CREB5: variants seen among roughly 807,000 people sequenced by gnomAD.
The protein encoded by CREB5 is cAMP responsive element binding protein 5, also known as cyclic AMP-responsive element-binding protein 5.
CREB5 carries 19 observed loss-of-function variants against 57.1 expected under a neutral mutation model. That is an observed-to-expected ratio of 0.33 (90% CI 0.23 to 0.49). CREB5 has a LOEUF of 0.49. Ranked by LOEUF, CREB5 falls within the 20% of genes least tolerant of loss-of-function variation. The pLI is 0.99. For missense variants in CREB5, 579 were observed against 671.6 expected, an observed-to-expected ratio of 0.86 and a Z score of 1.52; for synonymous variants, 238 against 238.3, an observed-to-expected ratio of 1.00 and a Z score of 0.01.
At chr7:28,439,823 T>A (rs1370880405) in intron 1 of CREB5, among the ~76,000 whole-genome samples, 1 of 152,180 alleles carries the variant, frequency 6.6e-6, no homozygotes, top group Non-Finnish European at 1.5e-5. Flanking sequence ...TTTATCAAGT[T>A]GCATTATTAT....
intron 5 of CREB5, 23 bp downstream of exon 5, chr7:28,570,560 C>A: frequency 6.2e-7 from 1 of 1,608,030 alleles, no homozygotes; most frequent in Non-Finnish European, 8.5e-7. Flanking sequence ...CCTTGGCTGC[C>A]CCTGGGTCCT....
intron 5 of CREB5, among the ~76,000 whole-genome samples, chr7:28,598,223 G>A (rs982661721): frequency 1.3e-5 from 2 of 152,114 alleles, no homozygotes; most frequent in African/African-American, 4.8e-5. Context: ...TTTGTCAGGG[G>A]TTTCCGCTTT....
chr7:28,660,217 A>C (rs6972338), intron 5 of CREB5, among the ~76,000 whole-genome samples: 16,015 of 152,098 alleles, frequency 0.11, 1,977 homozygotes, highest in African/African-American at 0.3. Flanking sequence ...TTTTATGAAA[A>C]AAAAGTTGCA....
At chr7:28,786,463 G>A (rs2128787801) in intron 7 of CREB5, among the ~76,000 whole-genome samples, 1 of 152,248 alleles carries the variant, frequency 6.6e-6, no homozygotes, top group East Asian at 1.9e-4. Context: ...GGCCAGGCTG[G>A]TCTCAAACTC....
At chr7:28,302,165 T>C in intron 1 of CREB5, among the ~76,000 whole-genome samples, 1 of 152,342 alleles carries the variant, frequency 6.6e-6, no homozygotes, top group Middle Eastern at 3.4e-3. Context: ...AGTATCCCTA[T>C]ATATCACATT....
At chr7:28,738,436 T>C (rs770255207) in intron 7 of CREB5, among the ~76,000 whole-genome samples, 8 of 152,228 alleles carry the variant, frequency 5.3e-5, no homozygotes, top group Non-Finnish European at 1.0e-4. Context: ...ACACACCCTC[T>C]GGAACAACCG....
intron 2 of CREB5, among the ~76,000 whole-genome samples, chr7:28,494,694 T>C (rs1791945922): frequency 6.6e-6 from 1 of 152,168 alleles, no homozygotes; most frequent in African/African-American, 2.4e-5. Context: ...GGGTGTAATT[T>C]AAAGGAACAT....
intron 5 of CREB5, among the ~76,000 whole-genome samples, chr7:28,598,143 T>C (rs903403655): frequency 3.3e-5 from 5 of 152,162 alleles, no homozygotes; most frequent in African/African-American, 1.2e-4. Flanking sequence ...AGGAAGTAAT[T>C]GAATCATGGG....
intron 5 of CREB5, among the ~76,000 whole-genome samples, chr7:28,682,028 T>C (rs1800621323): frequency 6.6e-6 from 1 of 152,238 alleles, no homozygotes; most frequent in African/African-American, 2.4e-5. Flanking sequence ...CATTATAAAT[T>C]CATTCCTTTG....
At chr7:28,706,125 C>T (rs1432232715) in intron 5 of CREB5, among the ~76,000 whole-genome samples, 4 of 152,160 alleles carry the variant, frequency 2.6e-5, no homozygotes, top group African/African-American at 9.6e-5. Flanking sequence ...GAGGCCGAGG[C>T]GGGTAGATCA....
chr7:28,737,529 A>G (rs928836833), intron 7 of CREB5, among the ~76,000 whole-genome samples: 9 of 106,368 alleles, frequency 8.5e-5, no homozygotes, highest in African/African-American at 3.0e-4. Flanking sequence ...GTATATATGT[A>G]TATATATACG....
chr7:28,812,465 T>C (rs1248566715), intron 9 of CREB5, among the ~76,000 whole-genome samples: 2 of 152,154 alleles, frequency 1.3e-5, no homozygotes, highest in African/African-American at 2.4e-5. Flanking sequence ...TTCACATTTC[T>C]TTAGAGCCAA....
chr7:28,506,879 C>G (rs115327747), intron 3 of CREB5, among the ~76,000 whole-genome samples: 1,619 of 152,272 alleles, frequency 0.011, 20 homozygotes, highest in African/African-American at 0.036. Context: ...CAAATAGTGG[C>G]TTCAGCTCCA....
intron 4 of CREB5, among the ~76,000 whole-genome samples, chr7:28,515,351 A>C (rs993022882): frequency 5.3e-5 from 8 of 152,222 alleles, no homozygotes; most frequent in Admixed American, 3.3e-4. Context: ...TCTTAGGTGG[A>C]TTTTGTTTAC....
chr7:28,494,793 TGC>T, intron 2 of CREB5, 111 bp from the exon 3 acceptor site: 3 of 656,084 alleles, frequency 4.6e-6, no homozygotes, highest in South Asian at 3.4e-5. Flanking sequence ...TTTTTTGTTT[TGC>T]CTGTCATGTT....
At chr7:28,375,816 G>T (rs1786811572) in intron 1 of CREB5, among the ~76,000 whole-genome samples, 1 of 151,710 alleles carries the variant, frequency 6.6e-6, no homozygotes, top group Admixed American at 6.6e-5. Context: ...AATAAGAAAA[G>T]AGACAATGTT....
intron 1 of CREB5, among the ~76,000 whole-genome samples, chr7:28,438,087 T>C (rs1473356518): frequency 6.6e-6 from 1 of 152,082 alleles, no homozygotes; most frequent in Non-Finnish European, 1.5e-5. Flanking sequence ...GGGCAGAGCA[T>C]GTGAGAGACA....
intron 7 of CREB5, among the ~76,000 whole-genome samples, chr7:28,803,012 G>T (rs547416578): frequency 2.0e-5 from 3 of 152,344 alleles, no homozygotes; most frequent in African/African-American, 7.2e-5. Flanking sequence ...TTGAGTAGTT[G>T]TGACACAGAA....
At chr7:28,697,947 T>A (rs1186951572) in intron 5 of CREB5, among the ~76,000 whole-genome samples, 3 of 152,200 alleles carry the variant, frequency 2.0e-5, no homozygotes, top group Non-Finnish European at 4.4e-5. Flanking sequence ...TACAATTTTC[T>A]GGGTTCTCAA....
Sources: gnomAD v4.1 joint callset for allele counts (sites outside exome capture counted in the v4.1 genomes callset) on GRCh38, gnomAD v4.1.1 for gene constraint, MANE v1.5 for transcripts, NCBI Gene and HGNC (gene_info 2026-07-23, HGNC 2026-07-21) for gene names.